Variants in EEA1 observed in about 807,000 individuals in gnomAD.
EEA1 encodes early endosome antigen 1, 162kD.
In EEA1, 111 loss-of-function variants were observed where a neutral mutation model predicts 209.2. The ratio of observed to expected loss-of-function variants is 0.53; its 90% confidence interval spans 0.45 to 0.62. EEA1 has a LOEUF of 0.62. EEA1 is among the 20% of genes least tolerant of loss of function. The pLI is 0.00. For synonymous variants in EEA1, 536 were observed against 540.6 expected (o/e 0.99, Z 0.12); for missense variants, 1,343 against 1,530.8 (o/e 0.88, Z 2.05).
At chr12:92,846,757 A>G (rs1357181718) in intron 9 of EEA1, among the ~76,000 whole-genome samples, 1 of 152,210 alleles carries the variant, frequency 6.6e-6, no homozygotes, top group African/African-American at 2.4e-5. Flanking sequence ...GAAGTCAATG[A>G]ATTCATAAGG....
chr12:92,884,960 ATT>A (rs3064991), intron 2 of EEA1, among the ~76,000 whole-genome samples: 3 of 144,694 alleles, frequency 2.1e-5, no homozygotes, highest in African/African-American at 2.5e-5. Flanking sequence ...TTCAATGTAG[ATT>A]TTTTTTTTTT....
At position 92,864,882 on chromosome 12, in the gene EEA1, C is replaced by A. The variant is rs1158285891; in HGVS notation, c.223G>T (p.Glu75Ter). ...TACCGCTTCAAAGCAAGATTAGACTCTCCTCCATGACCTGAGTCATTACCA... is the reference window on the plus strand; with the variant it reads ...TACCGCTTCAAAGCAAGATTAGACTATCCTCCATGACCTGAGTCATTACCA... The part of the protein sequence containing the change: ...DAGNDSGHGG[E>*]SNLALKRDDV... Residue 75 changes from glutamate (E) to a stop codon, truncating the protein, a stop_gained, in exon 3 of 29, where the codon GAG becomes TAG. Coordinates refer to ENST00000322349, the MANE Select transcript of EEA1 (RefSeq NM_003566.4). LOFTEE classifies it high-confidence loss of function. 1.2e-6 allele frequency: 2 copies of A among 1,605,434 alleles called. No individual in the cohort carries two copies. Among genetic ancestry groups the A allele is most frequent in the Non-Finnish European group, 1.7e-6 (2 of 1,176,706 alleles).
rs1873680392 is a variant in EEA1 at position 92,776,924 on chromosome 12, A to G, written c.4033T>C (p.Leu1345=). The change falls in exon 28 of 29, where the codon TTG becomes CTG. Residue 1345 remains leucine (L), a synonymous_variant. Coordinates refer to ENST00000322349, the MANE Select transcript of EEA1 (RefSeq NM_003566.4). ...QSLQIKHTQA[L]NRKWAEDNEV... ...TTGTCTTCGGCCCACTTTCTATTCAACGCTTGTGTATGTTTGATCTGTTTT... is the reference window on the plus strand; with the variant it reads ...TTGTCTTCGGCCCACTTTCTATTCAGCGCTTGTGTATGTTTGATCTGTTTT... 1 of 1,611,522 alleles carries G rather than the reference A, an allele frequency of 6.2e-7. No homozygotes were observed. Among genetic ancestry groups the G allele is most frequent in the East Asian group, 2.2e-5 (1 of 44,764 alleles).
chr12:92,869,434 T>C (rs1394356487), intron 2 of EEA1, among the ~76,000 whole-genome samples: 2 of 151,996 alleles, frequency 1.3e-5, no homozygotes, highest in Non-Finnish European at 2.9e-5. Flanking sequence ...TTGTACCAAG[T>C]ATCCTTTTAG....
intron 1 of EEA1, among the ~76,000 whole-genome samples, chr12:92,892,831 T>C (rs781736026): frequency 2.0e-5 from 3 of 152,134 alleles, no homozygotes; most frequent in Admixed American, 6.6e-5. Context: ...GGTTTCACCA[T>C]GTTGGCCAGG....
At position 92,928,939 on chromosome 12, in the gene EEA1, T is replaced by G; in HGVS notation, c.24+104A>C. On this transcript the variant is annotated intron_variant, in intron 1 of 28. Coordinates refer to ENST00000322349, the MANE Select transcript of EEA1 (RefSeq NM_003566.4). ...TAAGCGCCTGCCGGGCTGTGGGGCCTAGGGAAGGAAGGAGCCCGCGCTGAG... is the reference window on the plus strand; with the variant it reads ...TAAGCGCCTGCCGGGCTGTGGGGCCGAGGGAAGGAAGGAGCCCGCGCTGAG... 17 of 1,237,930 alleles carry G rather than the reference T, an allele frequency of 1.4e-5. No individual in the cohort carries two copies. In the East Asian group the frequency reaches 1.7e-4, roughly 13 times the overall value. 76.7% of individuals were successfully genotyped at this position (1,237,930 alleles called of 1,614,324 possible). A position where few individuals can be genotyped will look rare whatever the true frequency, so the allele number is the denominator to read the frequency against.
chr12:92,818,029 C>A (rs758156086), intron 14 of EEA1, among the ~76,000 whole-genome samples: 3 of 152,154 alleles, frequency 2.0e-5, no homozygotes, highest in African/African-American at 7.2e-5. Flanking sequence ...TGATAGTATT[C>A]ATTGGCCTCA....
At chr12:92,887,485 AAACAAC>A (rs888682909) in intron 2 of EEA1, among the ~76,000 whole-genome samples, 6 of 152,068 alleles carry the variant, frequency 3.9e-5, no homozygotes, top group Admixed American at 2.0e-4. Flanking sequence ...TCTCTACCAA[AAACAAC>A]AACAACAACA....
intron 2 of EEA1, among the ~76,000 whole-genome samples, chr12:92,880,753 G>C (rs970485470): frequency 4.6e-5 from 7 of 152,182 alleles, no homozygotes; most frequent in African/African-American, 1.7e-4. Context: ...GGGATTACAA[G>C]CGTGAGCTAC....
intron 22 of EEA1, among the ~76,000 whole-genome samples, chr12:92,782,749 T>C (rs1430311272): frequency 1.3e-5 from 2 of 152,212 alleles, no homozygotes; most frequent in Non-Finnish European, 2.9e-5. Flanking sequence ...AAACAGAATC[T>C]CGTCTCCTGC....
chr12:92,916,904 C>G (rs1440917776), intron 1 of EEA1, among the ~76,000 whole-genome samples: 1 of 149,166 alleles, frequency 6.7e-6, no homozygotes, highest in Admixed American at 6.7e-5. Flanking sequence ...CTTAAAGGAG[C>G]TGATGGAGCT....
chr12:92,828,980 C>T (rs930331200), intron 11 of EEA1, among the ~76,000 whole-genome samples: 5 of 152,156 alleles, frequency 3.3e-5, no homozygotes, highest in African/African-American at 1.2e-4. Context: ...GAAACTCTTC[C>T]AATTTCCCAT....
rs941558644 is a variant in EEA1 at position 92,922,592 on chromosome 12, T to C, written c.24+6451A>G. On this transcript the variant is annotated intron_variant, in intron 1 of 28. Transcript: ENST00000322349. ...ACAGGGCCAACAAGTAGTCAATATA[T>C]ACTACTGAAAAACCACCAGGCATCA... Among the ~76,000 whole-genome samples the C allele has an allele frequency of 5.3e-4, 80 of 152,198 alleles. 1 individual carries two copies. Among genetic ancestry groups the C allele is most frequent in the Non-Finnish European group, 4.1e-4 (28 of 68,038 alleles).
At chr12:92,796,976 T>C (rs1874680200) in intron 21 of EEA1, among the ~76,000 whole-genome samples, 1 of 152,248 alleles carries the variant, frequency 6.6e-6, no homozygotes, top group Non-Finnish European at 1.5e-5. Flanking sequence ...AAAATTTGCA[T>C]TCAGATCTGC....
At chr12:92,852,107 G>A in intron 8 of EEA1, 68 bp downstream of exon 8, 1 of 1,248,690 alleles carries the variant, frequency 8.0e-7, no homozygotes, top group Non-Finnish European at 1.1e-6. Context: ...TTTTCCTTCA[G>A]GGTATGTATT....
At chr12:92,913,159 A>G (rs1157176768) in intron 1 of EEA1, among the ~76,000 whole-genome samples, 5 of 152,252 alleles carry the variant, frequency 3.3e-5, no homozygotes, top group Non-Finnish European at 7.3e-5. Context: ...CATTCCCATC[A>G]ACAATGTATG....
rs143504241 is a variant in EEA1, at chr12:92,814,147, G to T, written c.1930-1054C>A. Reference sequence around the variant, plus strand: ...TTAGCTGGTTGAAGAGAGGATCAATGAACATAAGAAATCTAAGATTTACAT... The same window carrying T: ...TTAGCTGGTTGAAGAGAGGATCAATTAACATAAGAAATCTAAGATTTACAT... On this transcript the variant is annotated intron_variant, in intron 15 of 28. Coordinates refer to ENST00000322349, the MANE Select transcript of EEA1 (RefSeq NM_003566.4). Among the ~76,000 whole-genome samples, 550 of 152,184 alleles carry T rather than the reference G, an allele frequency of 3.6e-3. 2 individuals carry two copies. Among genetic ancestry groups the T allele is most frequent in the African/African-American group, 0.013 (528 of 41,524 alleles).
intron 13 of EEA1, 152 bp from the exon 14 acceptor site, chr12:92,819,663 G>C (rs1016415964): frequency 1.9e-6 from 1 of 516,292 alleles, no homozygotes; most frequent in East Asian, 3.2e-5. Context: ...ATTTAGTTAA[G>C]TACTTAGAAC....
intron 9 of EEA1, among the ~76,000 whole-genome samples, chr12:92,850,689 CAAAAAAAAAAAAAA>C (rs11323932): frequency 6.4e-5 from 3 of 46,924 alleles, no homozygotes; most frequent in South Asian, 1.3e-3. Flanking sequence ...GACTTTGTCT[CAAAAAAAAAAAAAA>C]AAAAAAAAAA....
Sources: allele counts gnomAD v4.1 joint callset (sites outside exome capture counted in the v4.1 genomes callset), GRCh38; gene constraint gnomAD v4.1.1; transcripts MANE v1.5; gene names NCBI Gene and HGNC (gene_info 2026-07-23, HGNC 2026-07-21).